The following COL7A1 variants were observed in gnomAD, a reference collection of about 807,000 sequenced individuals.
COL7A1 encodes the protein collagen alpha-1(VII) chain.
COL7A1 carries 296 observed loss-of-function variants against 456.2 expected under a neutral mutation model. That is an observed-to-expected ratio of 0.65 (90% CI 0.59 to 0.71). The LOEUF is 0.71. Among genes scored for constraint, COL7A1 ranks in the 30% least tolerant of loss-of-function variants. COL7A1 has a pLI of 0.00. For missense variants in COL7A1, 3,441 were observed against 4,017.2 expected (o/e 0.86, Z 3.88); for synonymous variants, 1,464 against 1,525.9 (o/e 0.96, Z 0.95).
chr3:48,578,507 T>C lies in COL7A1; in HGVS notation c.5433A>G (p.Pro1811=), dbSNP rs909310229. The C allele has an allele frequency of 8.7e-6, 14 of 1,611,684 alleles. No individual in the cohort carries two copies. The highest frequency in any genetic ancestry group is 1.2e-5 in the Non-Finnish European group (14 of 1,179,900). ...KAGDPGRDGL[P]GLRGEQGLPG... is the part of the protein sequence containing the mutation. ...GGAGGCCCTGTTCTCCACGGAGGCCTGGAAGCCCCTGGAAAAAGTCTTTGT... is the reference window on the plus strand; with the variant it reads ...GGAGGCCCTGTTCTCCACGGAGGCCCGGAAGCCCCTGGAAAAAGTCTTTGT... The change falls in exon 64 of 119, where the codon CCA becomes CCG. Residue 1811 remains proline (P), a synonymous_variant. Transcript: ENST00000681320. The surrounding 1 kb of genome is among the most constrained non-coding windows in gnomAD (Gnocchi z 4.7).
Position 48,579,040 on chromosome 3 carries a change from C to G in COL7A1, c.5389-86G>C, listed in dbSNP as rs1481358744. 1.3e-6 allele frequency: 2 copies of G among 1,585,700 alleles called. No individual in the cohort carries two copies. The highest frequency in any genetic ancestry group is 3.3e-5 in the Admixed American group (2 of 59,832). On this transcript the variant is annotated intron_variant, in intron 62 of 118. Coordinates refer to ENST00000681320, the MANE Select transcript of COL7A1 (RefSeq NM_000094.4). The surrounding 1 kb of genome is among the most constrained non-coding windows in gnomAD (Gnocchi z 4.4). ...GAGCCTAAGGCCTGCATGGCAAGAA[C>G]ATGCCCCACCCAGGCAGGGCTCTGG...
At position 48,591,414 on chromosome 3, in the gene COL7A1, G is replaced by C; in HGVS notation, c.1636+50C>G. ...GCTGGAGGTACACTCAGACCCCTCA[G>C]GCTGGAACTTCAGTGTGTGTGGTGG... On this transcript the variant is annotated intron_variant, in intron 13 of 118. Coordinates refer to ENST00000681320, the MANE Select transcript of COL7A1 (RefSeq NM_000094.4). This position sits in a 1 kb window ranked among gnomAD's most constrained non-coding sequence, Gnocchi z 7.0. 6.2e-7 allele frequency: 1 copy of C among 1,608,008 alleles called. No individual in the cohort carries two copies. Among genetic ancestry groups the C allele is most frequent in the East Asian group, 2.2e-5 (1 of 44,782 alleles).
chr3:48,589,641 G>T lies in COL7A1; in HGVS notation c.2128C>A (p.Pro710Thr). The T allele has an allele frequency of 6.2e-7, 1 of 1,613,960 alleles. No individual in the cohort carries two copies. Among genetic ancestry groups the T allele is most frequent in the South Asian group, 1.1e-5 (1 of 91,062 alleles). Residue 710 changes from proline to threonine, a missense_variant, in exon 17 of 119, where the codon CCT (proline) becomes ACT (threonine). Physicochemically the swap from Pro to Thr is conservative, Grantham distance 38 (BLOSUM62 -1). This residue lies in a region of COL7A1 where 913 missense variants were observed against 1,088.2 expected (regional missense o/e 0.84). Transcript: ENST00000681320. ...SSVTITWTRV[P>T]GATGYRVSWH... ...GAAACCCTGTATCCTGTGGCGCCAG[G>T]AACCCTGGTCCAGGTAATGGTGACA...
rs548337775 is a variant in COL7A1 at position 48,573,106 on chromosome 3, A to G, written c.6715-50T>C. On this transcript the variant is annotated intron_variant, in intron 85 of 118. Coordinates refer to ENST00000681320, the MANE Select transcript of COL7A1 (RefSeq NM_000094.4). This position sits in a 1 kb window ranked among gnomAD's most constrained non-coding sequence, Gnocchi z 5.5. ...AGGGTGACAATGGACACAGGACGAC[A>G]TGAGAGAACATGGGCCCCAAGGAGT... 10 of 1,614,012 alleles carry G rather than the reference A, an allele frequency of 6.2e-6. No homozygotes were observed. Among genetic ancestry groups the G allele is most frequent in the Non-Finnish European group, 6.8e-6 (8 of 1,180,000 alleles).
rs2107638814 is a variant in COL7A1 at position 48,568,573 on chromosome 3, T to C, written c.7759-39A>G. On this transcript the variant is annotated intron_variant, in intron 104 of 118. Coordinates refer to ENST00000681320, the MANE Select transcript of COL7A1 (RefSeq NM_000094.4). The surrounding 1 kb of genome is among the most constrained non-coding windows in gnomAD (Gnocchi z 5.2). ...AGATGGGGGAGCCCTTCAGTGGGAC[T>C]GTCCCCAACACTGGCCCATCCGCTG... 2 of 1,596,968 alleles carry C rather than the reference T, an allele frequency of 1.3e-6. No individual in the cohort carries two copies. The highest frequency in any genetic ancestry group is 2.2e-5 in the South Asian group (2 of 89,432).
Position 48,565,578 on chromosome 3 carries a change from T to C in COL7A1, c.8440+58A>G, listed in dbSNP as rs759833929. On this transcript the variant is annotated intron_variant, in intron 115 of 118. Coordinates refer to ENST00000681320, the MANE Select transcript of COL7A1 (RefSeq NM_000094.4). This position sits in a 1 kb window ranked among gnomAD's most constrained non-coding sequence, Gnocchi z 4.5. ...GCCAACCCCCCTGAGAGGACCCCAG[T>C]TGATAGGCAGGGCAGGGCCTGGGGT... 4.7e-4 allele frequency: 756 copies of C among 1,613,806 alleles called. 1 individual carries two copies. The highest frequency in any genetic ancestry group is 3.6e-4 in the Non-Finnish European group (427 of 1,179,894).
rs1025194027 is a variant in COL7A1 at position 48,572,638 on chromosome 3, C to A, written c.6900+33G>T. 1.3e-6 allele frequency: 2 copies of A among 1,524,038 alleles called. 1 individual carries two copies. Among genetic ancestry groups the A allele is most frequent in the African/African-American group, 2.8e-5 (2 of 71,464 alleles). 94.4% of individuals were successfully genotyped at this position (1,524,038 alleles called of 1,614,324 possible). On this transcript the variant is annotated intron_variant, in intron 88 of 118. Coordinates refer to ENST00000681320, the MANE Select transcript of COL7A1 (RefSeq NM_000094.4). This position sits in a 1 kb window ranked among gnomAD's most constrained non-coding sequence, Gnocchi z 4.6. The stretch of plus-strand genomic sequence containing the variant: ...GCTTGTGGGTGAGGCAGAGGAGTTG[C>A]TGCAGGGGGTGGAAGTCAGGGTCAA...
chr3:48,575,167 C>T lies in COL7A1; in HGVS notation c.6216+40G>A. The T allele has an allele frequency of 3.1e-6, 5 of 1,613,938 alleles. No individual in the cohort carries two copies. The highest frequency in any genetic ancestry group is 4.2e-6 in the Non-Finnish European group (5 of 1,179,966). On this transcript the variant is annotated intron_variant, in intron 75 of 118. Coordinates refer to ENST00000681320, the MANE Select transcript of COL7A1 (RefSeq NM_000094.4). This position sits in a 1 kb window ranked among gnomAD's most constrained non-coding sequence, Gnocchi z 6.3. The stretch of plus-strand genomic sequence containing the variant: ...AAATGGGGTGGCAGCCCCAGCACAG[C>T]CTCCAGACAGCCTGCCCCACGAAGC...
chr3:48,574,388 CCAGA>C lies in COL7A1; in HGVS notation c.6457-86_6457-83del. 1 of 1,612,892 alleles carries C rather than the reference CCAGA, an allele frequency of 6.2e-7. No individual in the cohort carries two copies. Among genetic ancestry groups the C allele is most frequent in the Non-Finnish European group, 8.5e-7 (1 of 1,178,952 alleles). On this transcript the variant is annotated intron_variant, in intron 79 of 118. Transcript: ENST00000681320. This position sits in a 1 kb window ranked among gnomAD's most constrained non-coding sequence, Gnocchi z 5.0. ...CCATCCCCCTAGACAGAGTCAGGACCCAGACAGTCCCAGGCAGTACAGACCCCAG... is the reference window on the plus strand; with the variant it reads ...CCATCCCCCTAGACAGAGTCAGGACCCAGTCCCAGGCAGTACAGACCCCAG...
At position 48,585,500 on chromosome 3, in the gene COL7A1, AC is replaced by A. The variant is rs1055046376; in HGVS notation, c.3894+56del. The A allele has an allele frequency of 1.3e-6, 2 of 1,572,366 alleles. No individual in the cohort carries two copies. Among genetic ancestry groups the A allele is most frequent in the African/African-American group, 2.7e-5 (2 of 73,456 alleles). On this transcript the variant is annotated intron_variant, in intron 32 of 118. Coordinates refer to ENST00000681320, the MANE Select transcript of COL7A1 (RefSeq NM_000094.4). The surrounding 1 kb of genome is among the most constrained non-coding windows in gnomAD (Gnocchi z 4.5). Reference sequence around the variant, plus strand: ...TGCTTCTTCCTTCTCTCTTGTAAAAACCCCGAGACAGCTTTGAGGAGTGCCT... The same window carrying A: ...TGCTTCTTCCTTCTCTCTTGTAAAAACCCGAGACAGCTTTGAGGAGTGCCT...
Position 48,570,993 on chromosome 3 carries a change from G to A in COL7A1, c.7165-25C>T. 1 of 1,612,538 alleles carries A rather than the reference G, an allele frequency of 6.2e-7. No individual in the cohort carries two copies. The highest frequency in any genetic ancestry group is 8.5e-7 in the Non-Finnish European group (1 of 1,179,072). On this transcript the variant is annotated intron_variant, in intron 94 of 118. Transcript: ENST00000681320. This position sits in a 1 kb window ranked among gnomAD's most constrained non-coding sequence, Gnocchi z 5.5. ...CCTGAAATAAAAACAGCAAAGGGAGGGAATGGTCAATGCAGGACCCCTCCC... is the reference window on the plus strand; with the variant it reads ...CCTGAAATAAAAACAGCAAAGGGAGAGAATGGTCAATGCAGGACCCCTCCC...
chr3:48,589,291 T>C, intron 18 of COL7A1, 36 bp downstream of exon 18: 1 of 1,611,432 alleles, frequency 6.2e-7, no homozygotes, highest in Non-Finnish European at 8.5e-7. Context: ...GGGTAGCTAA[T>C]GCGGTGTGGC....
Position 48,573,194 on chromosome 3 carries a change from G to C in COL7A1, c.6694C>G (p.Pro2232Ala). The C allele has an allele frequency of 6.2e-7, 1 of 1,614,150 alleles. No homozygotes were observed. Among genetic ancestry groups the C allele is most frequent in the Non-Finnish European group, 8.5e-7 (1 of 1,180,016 alleles). ...PTGAVGLPGPPGPSGLVGPQG... is the reference protein window; with the variant it reads ...PTGAVGLPGPAGPSGLVGPQG... ...CTCACCACAAGGCCTGAAGGGCCGG[G>C]GGGTCCAGGAAGTCCCACAGCTCCA... Residue 2232 changes from proline to alanine, a missense_variant, in exon 85 of 119, where the codon CCC (proline) becomes GCC (alanine). Physicochemically the swap from Pro to Ala is conservative, Grantham distance 27. Around this residue, in one of 3 missense-constraint regions of COL7A1, gnomAD observed 2,084 missense variants for 2,501.3 expected, o/e 0.83. Coordinates refer to ENST00000681320, the MANE Select transcript of COL7A1 (RefSeq NM_000094.4). This position sits in a 1 kb window ranked among gnomAD's most constrained non-coding sequence, Gnocchi z 5.5.
In COL7A1 at chr3:48,580,861, C is replaced by T; in HGVS notation, c.4980+21G>A. ...TGCCCACCTCCCATCACCCCTGTTA[C>T]TTCTCTCTGCCAAGACTCACCCGAA... is the stretch of plus-strand genomic sequence containing the variant. On this transcript the variant is annotated intron_variant, in intron 54 of 118. Coordinates refer to ENST00000681320, the MANE Select transcript of COL7A1 (RefSeq NM_000094.4). This position sits in a 1 kb window ranked among gnomAD's most constrained non-coding sequence, Gnocchi z 4.5. The T allele has an allele frequency of 3.7e-6, 6 of 1,614,128 alleles. No individual in the cohort carries two copies. The highest frequency in any genetic ancestry group is 5.1e-6 in the Non-Finnish European group (6 of 1,180,032).
rs1190212418 is a variant in COL7A1, at chr3:48,592,538, G to C, written c.976+32C>G. 1 of 1,613,748 alleles carries C rather than the reference G, an allele frequency of 6.2e-7. No individual in the cohort carries two copies. The highest frequency in any genetic ancestry group is 2.2e-5 in the East Asian group (1 of 44,876). ...GGGGTACTGGGGTCGGGGGTTAGGT[G>C]AATGGGGTCAGAGGCTGGCAGAATT... On this transcript the variant is annotated intron_variant, in intron 8 of 118. Transcript: ENST00000681320. This position sits in a 1 kb window ranked among gnomAD's most constrained non-coding sequence, Gnocchi z 7.6.
In COL7A1 at chr3:48,568,962, G is replaced by T. The variant is rs928892925; in HGVS notation, c.7687-107C>A. On this transcript the variant is annotated intron_variant, in intron 103 of 118. Transcript: ENST00000681320. The surrounding 1 kb of genome is among the most constrained non-coding windows in gnomAD (Gnocchi z 5.2). ...GCAGAGCTCAAGTCACTCCCGAACG[G>T]CCCTAGCAGCACGTCCTCCCAGCCT... is the stretch of plus-strand genomic sequence containing the variant. 8 of 1,095,388 alleles carry T rather than the reference G, an allele frequency of 7.3e-6. No homozygotes were observed. The highest frequency in any genetic ancestry group is 9.5e-6 in the Non-Finnish European group (7 of 740,700). 67.9% of individuals were successfully genotyped at this position (1,095,388 alleles called of 1,614,324 possible).
rs746061636 is a variant in COL7A1 at position 48,569,766 on chromosome 3, G to A, written c.7522-6C>T. ...CCTGCACTCCCAACATCACCCTATT[G>A]GGCAAAAGAGTGTGAGTCCCGCCCA... On this transcript the variant is annotated splice_region_variant and splice_polypyrimidine_tract_variant and intron_variant, in intron 100 of 118. Transcript: ENST00000681320. This position sits in a 1 kb window ranked among gnomAD's most constrained non-coding sequence, Gnocchi z 4.9. The A allele has an allele frequency of 6.2e-7, 1 of 1,614,120 alleles. No homozygotes were observed. The highest frequency in any genetic ancestry group is 8.5e-7 in the Non-Finnish European group (1 of 1,180,010).
chr3:48,573,497 A>C lies in COL7A1; in HGVS notation c.6618+16T>G, dbSNP rs1245969231. 1.2e-6 allele frequency: 2 copies of C among 1,613,846 alleles called. No individual in the cohort carries two copies. Among genetic ancestry groups the C allele is most frequent in the African/African-American group, 1.3e-5 (1 of 74,850 alleles). On this transcript the variant is annotated intron_variant, in intron 83 of 118. Transcript: ENST00000681320. This position sits in a 1 kb window ranked among gnomAD's most constrained non-coding sequence, Gnocchi z 5.5. ...TTGAAGGAGCCTCCTCCTCCTATCC[A>C]CACACCTAGACTCACCTTCAGGCCA... is the stretch of plus-strand genomic sequence containing the variant.
chr3:48,585,522 T>C lies in COL7A1; in HGVS notation c.3894+35A>G. 6.2e-7 allele frequency: 1 copy of C among 1,605,626 alleles called. No individual in the cohort carries two copies. The highest frequency in any genetic ancestry group is 1.1e-5 in the South Asian group (1 of 90,910). On this transcript the variant is annotated intron_variant, in intron 32 of 118. Coordinates refer to ENST00000681320, the MANE Select transcript of COL7A1 (RefSeq NM_000094.4). The surrounding 1 kb of genome is among the most constrained non-coding windows in gnomAD (Gnocchi z 4.5). ...AAAACCCCGAGACAGCTTTGAGGAGTGCCTCAGAGAAACCTCGATGGTCTC... is the reference window on the plus strand; with the variant it reads ...AAAACCCCGAGACAGCTTTGAGGAGCGCCTCAGAGAAACCTCGATGGTCTC...
Sources: gnomAD v4.1 joint callset for allele counts on GRCh38, gnomAD v4.1.1 for gene constraint, gnomAD v4.1.1 regional missense constraint, Gnocchi (gnomAD v3.1) non-coding constraint, MANE v1.5 for transcripts, NCBI Gene and HGNC (gene_info 2026-07-23, HGNC 2026-07-21) for gene names.